Variants in REX1BD observed in about 807,000 individuals in gnomAD.
The protein encoded by REX1BD is required for excision 1-B domain containing.
In REX1BD, 22 loss-of-function variants were observed where a neutral mutation model predicts 24.4. The ratio of observed to expected loss-of-function variants is 0.90; its 90% confidence interval spans 0.64 to 1.29. The LOEUF is 1.29. Ranked by LOEUF, REX1BD falls within the 50% of genes most tolerant of loss-of-function variation. The pLI, the probability that REX1BD is intolerant of heterozygous loss-of-function variation, is 0.00. For missense variants in REX1BD, 293 were observed against 285.3 expected (o/e 1.03, Z -0.19); for synonymous variants, 146 against 125.9 (o/e 1.16, Z -1.07).
intron 4 of REX1BD, 80 bp downstream of exon 4, chr19:18,591,013 A>G: frequency 6.2e-6 from 8 of 1,288,372 alleles, no homozygotes; most frequent in Non-Finnish European, 8.3e-6. Context: ...CCAGCAGAGG[A>G]ACCCTCTGCC....
chr19:18,588,977 G>T lies in REX1BD; in HGVS notation c.100-18G>T, dbSNP rs1164643348. ...GGGGCGCGGGCTTCATGCCCCAGCCGTGCCCCCTGTCCCGCAGAAAGACGC... is the reference window on the plus strand; with the variant it reads ...GGGGCGCGGGCTTCATGCCCCAGCCTTGCCCCCTGTCCCGCAGAAAGACGC... On this transcript the variant is annotated intron_variant, in intron 1 of 4. Transcript: ENST00000358607. 3.9e-6 allele frequency: 6 copies of T among 1,525,552 alleles called. No individual in the cohort carries two copies. Among genetic ancestry groups the T allele is most frequent in the Non-Finnish European group, 5.3e-6 (6 of 1,142,842 alleles). The allele number at this position is 1,525,552 out of a possible 1,614,324, so 94.5% of individuals were successfully genotyped here. A position where few individuals can be genotyped will look rare whatever the true frequency, so the allele number is the denominator to read the frequency against.
At position 18,589,475 on chromosome 19, in the gene REX1BD, G is replaced by T. The variant is rs1477611394; in HGVS notation, c.245G>T (p.Arg82Leu). Residue 82 changes from arginine (R) to leucine (L), a missense_variant, in exon 3 of 5, where the codon CGC becomes CTC. Transcript: ENST00000358607. Reference protein sequence around the residue: ...WGRGLRVPTCRRGHRQYLRSG... With the variant: ...WGRGLRVPTCLRGHRQYLRSG... ...CGCGGCCTCAGGGTCCCCACATGCC[G>T]CAGAGGCCACCGCCAGTACCTGCGC... 4.5e-6 allele frequency: 7 copies of T among 1,558,146 alleles called. No homozygotes were observed. The highest frequency in any genetic ancestry group is 1.2e-5 in the South Asian group (1 of 84,960).
intron 3 of REX1BD, chr19:18,590,566 G>C (rs1024855181): frequency 3.6e-5 from 12 of 333,662 alleles, no homozygotes; most frequent in Admixed American, 1.4e-4. Context: ...GGGACCATGA[G>C]GCGCAACCTA....
At chr19:18,590,337 T>C (rs1600644287) in intron 3 of REX1BD, 1 of 151,118 alleles carries the variant, frequency 6.6e-6, no homozygotes, top group Non-Finnish European at 1.5e-5. Flanking sequence ...CAAGCGATTC[T>C]CCTGCCTCAG....
intron 4 of REX1BD, chr19:18,591,860 G>T: frequency 1.9e-6 from 1 of 517,864 alleles, no homozygotes; most frequent in East Asian, 3.1e-5. Flanking sequence ...TTCCCAAAGT[G>T]CTGGATTACA....
Position 18,592,231 on chromosome 19 carries a change from CGCCCA to C in REX1BD, c.*61_*65del. ...GGGAGATGGGAAACGGGGCGGATGG[CGCCCA>C]GCCCAGCCCTAACTGCCAGCTGGCT... is the stretch of plus-strand genomic sequence containing the variant. On this transcript the variant is annotated 3_prime_UTR_variant, in exon 5 of 5. Transcript: ENST00000358607. The C allele has an allele frequency of 6.2e-7, 1 of 1,606,862 alleles. No individual in the cohort carries two copies. Among genetic ancestry groups the C allele is most frequent in the Non-Finnish European group, 8.5e-7 (1 of 1,174,306 alleles).
intron 4 of REX1BD, chr19:18,591,839 C>T: frequency 2.1e-6 from 1 of 477,064 alleles, no homozygotes; most frequent in Non-Finnish European, 3.8e-6. Context: ...AGGTGATCTG[C>T]CTGCCTCAGC....
Position 18,589,466 on chromosome 19 carries a change from C to T in REX1BD, c.236C>T (p.Pro79Leu), listed in dbSNP as rs1033516745. The change falls in exon 3 of 5, where the codon CCC (proline) becomes CTC (leucine). Residue 79 changes from proline (P) to leucine (L), a missense_variant. Physicochemically the swap from Pro to Leu is moderately conservative, Grantham distance 98. Transcript: ENST00000358607. ...LRAWGRGLRV[P>L]TCRRGHRQYL... The stretch of plus-strand genomic sequence containing the variant: ...GCCTGGGGGCGCGGCCTCAGGGTCC[C>T]CACATGCCGCAGAGGCCACCGCCAG... The T allele has an allele frequency of 6.4e-6, 10 of 1,557,516 alleles. No homozygotes were observed. The highest frequency in any genetic ancestry group is 3.3e-4 in the Middle Eastern group (2 of 6,018).
In REX1BD at chr19:18,589,087, G is replaced by T. The variant is rs12979427; in HGVS notation, c.182+10G>T. Reference sequence around the variant, plus strand: ...TCCGCCGACTGGAGGAGTGAGTGGGGGCGCGGAGGGGCTCAGGGTTCGGTC... The same window carrying T: ...TCCGCCGACTGGAGGAGTGAGTGGGTGCGCGGAGGGGCTCAGGGTTCGGTC... On this transcript the variant is annotated intron_variant, in intron 2 of 4. Transcript: ENST00000358607. 180 of 1,494,950 alleles carry T rather than the reference G, an allele frequency of 1.2e-4. No homozygotes were observed. The highest frequency in any genetic ancestry group is 1.5e-4 in the Non-Finnish European group (167 of 1,128,568). 92.6% of individuals were successfully genotyped at this position (1,494,950 alleles called of 1,614,324 possible).
chr19:18,589,218 C>T, intron 2 of REX1BD, 141 bp downstream of exon 2: 4 of 1,512,316 alleles, frequency 2.6e-6, no homozygotes, highest in African/African-American at 1.4e-5. Flanking sequence ...TTCGGGGCAC[C>T]GGGTCCTCAC....
At chr19:18,588,947 A>G in intron 1 of REX1BD, 47 bp downstream of exon 1, 1 of 1,524,134 alleles carries the variant, frequency 6.6e-7, no homozygotes, top group Non-Finnish European at 8.8e-7. Context: ...GGCGGCGCAG[A>G]CCCAGGGGCG....
At chr19:18,588,928 C>G (rs1975974301) in intron 1 of REX1BD, 28 bp downstream of exon 1, 1 of 1,525,020 alleles carries the variant, frequency 6.6e-7, no homozygotes, top group Non-Finnish European at 8.8e-7. Context: ...CGGGAACGGG[C>G]GCGGGGCGGG....
chr19:18,592,160 G>A lies in REX1BD; in HGVS notation c.586G>A (p.Asp196Asn). The A allele has an allele frequency of 6.2e-7, 1 of 1,614,114 alleles. No homozygotes were observed. Among genetic ancestry groups the A allele is most frequent in the Non-Finnish European group, 8.5e-7 (1 of 1,180,022 alleles). Reference sequence around the variant, plus strand: ...CGAGGTTCTCCAGGACCTTAGGTTTGATGCGGAATCTGCCGAGTGATGGCG... The same window carrying A: ...CGAGGTTCTCCAGGACCTTAGGTTTAATGCGGAATCTGCCGAGTGATGGCG... ...ISEVLQDLRF[D>N]AESAE Residue 196 changes from aspartate to asparagine, a missense_variant, in exon 5 of 5, where the codon GAT becomes AAT. Coordinates refer to ENST00000358607, the MANE Select transcript of REX1BD (RefSeq NM_001100418.2).
intron 4 of REX1BD, 83 bp downstream of exon 4, chr19:18,591,016 C>CCT: frequency 7.9e-7 from 1 of 1,273,000 alleles, no homozygotes; most frequent in South Asian, 1.5e-5. Context: ...GCAGAGGAAC[C>CCT]CTCTGCCAGT....
rs762743954 is a variant in REX1BD at position 18,589,498 on chromosome 19, C to T, written c.268C>T (p.Arg90Cys). The T allele has an allele frequency of 1.9e-6, 3 of 1,568,748 alleles. No individual in the cohort carries two copies. The highest frequency in any genetic ancestry group is 1.2e-5 in the South Asian group (1 of 86,018). ...TCRRGHRQYL[R>C]SGPDYDFARY... Reference sequence around the variant, plus strand: ...CCGCAGAGGCCACCGCCAGTACCTGCGCAGCGGCCCTGACTACGACTTCGC... The same window carrying T: ...CCGCAGAGGCCACCGCCAGTACCTGTGCAGCGGCCCTGACTACGACTTCGC... The change falls in exon 3 of 5, where the codon CGC becomes TGC. Residue 90 changes from arginine (R) to cysteine (C), a missense_variant. Arg to Cys is a radical substitution (Grantham distance 180). Transcript: ENST00000358607.
In REX1BD at chr19:18,590,853, G is replaced by C; in HGVS notation, c.454-1G>C. On this transcript the variant is annotated splice_acceptor_variant, in intron 3 of 4. Coordinates refer to ENST00000358607, the MANE Select transcript of REX1BD (RefSeq NM_001100418.2). LOFTEE classifies it high-confidence loss of function. ...CTTCGTGTTGCTCATTCCCCCACCA[G>C]GTGGCCCTGCTGCAGTTGATGGAGA... The C allele has an allele frequency of 6.2e-7, 1 of 1,604,396 alleles. No individual in the cohort carries two copies. The highest frequency in any genetic ancestry group is 8.5e-7 in the Non-Finnish European group (1 of 1,176,084).
chr19:18,591,886 G>C (rs1185272086), intron 4 of REX1BD: 1 of 577,592 alleles, frequency 1.7e-6, no homozygotes, highest in East Asian at 2.9e-5. Context: ...GAGCCACCAT[G>C]CCCAGCCCAG....
chr19:18,588,975 C>T lies in REX1BD; in HGVS notation c.100-20C>T. The T allele has an allele frequency of 1.3e-6, 2 of 1,526,092 alleles. No homozygotes were observed. Among genetic ancestry groups the T allele is most frequent in the African/African-American group, 1.4e-5 (1 of 72,560 alleles). The allele number at this position is 1,526,092 out of a possible 1,614,324, so 94.5% of individuals were successfully genotyped here. A position where few individuals can be genotyped will look rare whatever the true frequency, so the allele number is the denominator to read the frequency against. ...CAGGGGCGCGGGCTTCATGCCCCAG[C>T]CGTGCCCCCTGTCCCGCAGAAAGAC... On this transcript the variant is annotated intron_variant, in intron 1 of 4. Coordinates refer to ENST00000358607, the MANE Select transcript of REX1BD (RefSeq NM_001100418.2).
rs2145318673 is a variant in REX1BD, at chr19:18,589,591, G to A, written c.361G>A (p.Val121Met). The A allele has an allele frequency of 3.2e-6, 5 of 1,546,956 alleles. No homozygotes were observed. Among genetic ancestry groups the A allele is most frequent in the Non-Finnish European group, 4.3e-6 (5 of 1,153,626 alleles). ...FAAASREVLA[V>M]EAELGGPRRQ... ...CGCCGCCTCGCGGGAGGTGCTGGCG[G>A]TGGAAGCAGAGCTGGGCGGGCCTCG... The change falls in exon 3 of 5, where the codon GTG becomes ATG. Residue 121 changes from valine to methionine, a missense_variant. Transcript: ENST00000358607.
Sources: gnomAD v4.1 joint callset for allele counts on GRCh38, gnomAD v4.1.1 for gene constraint, MANE v1.5 for transcripts, NCBI Gene and HGNC (gene_info 2026-07-23, HGNC 2026-07-21) for gene names.